The following CELF2 variants were observed in gnomAD, a reference collection of about 807,000 sequenced individuals.
CELF2 encodes the protein CUGBP Elav-like family member 2, also known as CUG triplet repeat RNA-binding protein 2.
In CELF2, 8 loss-of-function variants were observed where a neutral mutation model predicts 62.6. That is an observed-to-expected ratio of 0.13 (90% CI 0.07 to 0.23). The LOEUF (loss-of-function observed/expected upper bound fraction) is 0.23, where lower values mean the gene tolerates loss of function less well. Ranked by LOEUF, CELF2 falls within the 10% of genes least tolerant of loss-of-function variation. The pLI is 1.00. For synonymous variants in CELF2, 258 were observed against 250.0 expected (o/e 1.03, Z -0.30); for missense variants, 333 against 671.0 (o/e 0.50, Z 5.56).
At chr10:11,073,882 A>C (rs763982606) in intron 1 of CELF2, among the ~76,000 whole-genome samples, 6 of 152,338 alleles carry the variant, frequency 3.9e-5, no homozygotes, top group Non-Finnish European at 7.4e-5. Context: ...GATTTTGGTT[A>C]TACATTTTTA....
the CELF2 span, among the ~76,000 whole-genome samples, chr10:10,706,325 T>A: frequency 4.3e-4 from 66 of 152,246 alleles, 2 homozygotes; most frequent in African/African-American, 1.5e-3. Flanking sequence ...AAAACTTGGG[T>A]TTCTTGAGTG....
chr10:10,654,401 C>A, the CELF2 span, among the ~76,000 whole-genome samples: 71 of 95,926 alleles, frequency 7.4e-4, no homozygotes, highest in Middle Eastern at 5.8e-3. Flanking sequence ...CAAAGCCTGG[C>A]AGACACACAA....
the CELF2 span, among the ~76,000 whole-genome samples, chr10:10,510,619 G>A: frequency 6.6e-6 from 1 of 152,156 alleles, no homozygotes; most frequent in African/African-American, 2.4e-5. Context: ...TGGGGTGCTG[G>A]CAGTAAACAA....
intron 8 of CELF2, among the ~76,000 whole-genome samples, chr10:11,284,825 G>A (rs2090624845): frequency 6.6e-6 from 1 of 150,442 alleles, no homozygotes; most frequent in South Asian, 2.1e-4. Flanking sequence ...TGGATGGGTG[G>A]GAGAATAATG....
intron 1 of CELF2, among the ~76,000 whole-genome samples, chr10:11,077,670 C>T (rs752955157): frequency 2.0e-5 from 3 of 152,154 alleles, no homozygotes; most frequent in Non-Finnish European, 2.9e-5. Context: ...TAGCGTTTAT[C>T]GTCGTGTGAA....
At chr10:11,167,698 C>T (rs933012551) in intron 2 of CELF2, among the ~76,000 whole-genome samples, 2 of 152,114 alleles carry the variant, frequency 1.3e-5, no homozygotes, top group South Asian at 2.1e-4. Context: ...ACTAATTTGG[C>T]GAAAATAGTT....
Position 11,270,536 on chromosome 10 carries a change from G to A in CELF2, c.619-130G>A, listed in dbSNP as rs781381524. ...TTCAGAGAAGAAGGAATATCAAACC[G>A]TTTTAAACCATTTCAGCCCATTCCA... On this transcript the variant is annotated intron_variant, in intron 6 of 12. Transcript: ENST00000633077. The surrounding 1 kb of genome is among the most constrained non-coding windows in gnomAD (Gnocchi z 5.8). The A allele has an allele frequency of 8.4e-5, 63 of 752,106 alleles. No individual in the cohort carries two copies. The highest frequency in any genetic ancestry group is 9.3e-5 in the South Asian group (2 of 21,428). The allele number at this position is 752,106 out of a possible 1,614,324, so 46.6% of individuals were successfully genotyped here. A position where few individuals can be genotyped will look rare whatever the true frequency, so the allele number is the denominator to read the frequency against.
rs2095955192 is a variant in CELF2, at chr10:11,329,913, T to A, written c.*860T>A. 6.6e-6 allele frequency: 1 copy of A among 152,636 alleles called. No individual in the cohort carries two copies. Among genetic ancestry groups the A allele is most frequent in the Non-Finnish European group, 1.5e-5 (1 of 68,050 alleles). The allele number at this position is 152,636 out of a possible 1,614,324, so 9.5% of individuals were successfully genotyped here. A position where few individuals can be genotyped will look rare whatever the true frequency, so the allele number is the denominator to read the frequency against. On this transcript the variant is annotated 3_prime_UTR_variant, in exon 13 of 13. Coordinates refer to ENST00000633077, the MANE Select transcript of CELF2 (RefSeq NM_001326342.2). This position sits in a 1 kb window ranked among gnomAD's most constrained non-coding sequence, Gnocchi z 5.5. ...TTTTATTTGTAAAAAAGCATTTCTA[T>A]TTTTATACAAAATTTTTACTGCCTC... is the stretch of plus-strand genomic sequence containing the variant.
Position 10,959,341 on chromosome 10 carries a change from A to C in CELF2, c.89+39342A>C, listed in dbSNP as rs895501292. On this transcript the variant is annotated intron_variant, in intron 2 of 13. Coordinates refer to the CELF2 transcript ENST00000636488. The stretch of plus-strand genomic sequence containing the variant: ...GCCTTTTGTGGCACTTCACATGAGG[A>C]ATCTGTGCTTATCAGTTATCAAAGT... 2.6e-5 allele frequency among the ~76,000 whole-genome samples: 4 copies of C among 152,186 alleles called. No homozygotes were observed. The East Asian group carries it at 7.7e-4, about 29-fold the overall frequency.
rs2096037273 is a variant in CELF2, at chr10:11,332,116, A to G, written c.*3063A>G. 1 of 145,580 alleles carries G rather than the reference A, an allele frequency of 6.9e-6. No individual in the cohort carries two copies. Among genetic ancestry groups the G allele is most frequent in the South Asian group, 2.1e-4 (1 of 4,832 alleles). 9.0% of individuals were successfully genotyped at this position (145,580 alleles called of 1,614,324 possible). A position where few individuals can be genotyped will look rare whatever the true frequency, so the allele number is the denominator to read the frequency against. On this transcript the variant is annotated 3_prime_UTR_variant, in exon 13 of 13. Coordinates refer to ENST00000633077, the MANE Select transcript of CELF2 (RefSeq NM_001326342.2). ...AAAGAATTCCTAATGTGCTACTAGA[A>G]TTCCTTCTTCAGTTTTAACGAGTAA...
chr10:11,321,194 C>A lies in CELF2; in HGVS notation c.1102C>A (p.Gln368Lys). The A allele has an allele frequency of 6.2e-7, 1 of 1,614,088 alleles. No homozygotes were observed. Among genetic ancestry groups the A allele is most frequent in the South Asian group, 1.1e-5 (1 of 91,062 alleles). ...LNNINALAVA[Q>K]MLSGMAALNG... The stretch of plus-strand genomic sequence containing the variant: ...TTGTTGGGTTTTTTGTAAAGTTGCT[C>A]AAATGCTCTCAGGTATGGCGGCTCT... Residue 368 changes from glutamine to lysine, a missense_variant, in exon 11 of 13, where the codon CAA becomes AAA. By Grantham distance (53) the Gln-to-Lys change is moderately conservative. Coordinates refer to ENST00000633077, the MANE Select transcript of CELF2 (RefSeq NM_001326342.2). The surrounding 1 kb of genome is among the most constrained non-coding windows in gnomAD (Gnocchi z 6.2).
At chr10:10,589,018 C>G in the CELF2 span, among the ~76,000 whole-genome samples, 1 of 152,168 alleles carries the variant, frequency 6.6e-6, no homozygotes, top group East Asian at 1.9e-4. Flanking sequence ...GTGACACAGT[C>G]TCAGGGGGTA....
Position 11,258,911 on chromosome 10 carries a change from C to T in CELF2, c.538+1039C>T, listed in dbSNP as rs757807059. 2.0e-5 allele frequency among the ~76,000 whole-genome samples: 3 copies of T among 152,226 alleles called. No homozygotes were observed. In the East Asian group the frequency reaches 5.8e-4, roughly 29 times the overall value. On this transcript the variant is annotated intron_variant, in intron 5 of 12. Transcript: ENST00000633077. ...ACGTTGGCCACGATGGTCTCCATCT[C>T]CTGACCTCGTGATCCACCCGCCTCA...
chr10:10,472,530 TG>T, the CELF2 span, among the ~76,000 whole-genome samples: 1 of 151,924 alleles, frequency 6.6e-6, no homozygotes, highest in Non-Finnish European at 1.5e-5. Context: ...AGGTTTTGTC[TG>T]CTAAATCCAA....
At chr10:10,940,292 T>G (rs1370954165) in intron 2 of CELF2, among the ~76,000 whole-genome samples, 1 of 152,194 alleles carries the variant, frequency 6.6e-6, no homozygotes, top group Non-Finnish European at 1.5e-5. Context: ...TTATGTTTGA[T>G]TATTCAAGAT....
chr10:10,748,237 T>C, the CELF2 span, among the ~76,000 whole-genome samples: 1 of 152,178 alleles, frequency 6.6e-6, no homozygotes, highest in African/African-American at 2.4e-5. Flanking sequence ...ACTTGAAATG[T>C]TCCCAACACA....
intron 1 of CELF2, among the ~76,000 whole-genome samples, chr10:10,864,862 T>C (rs566965828): frequency 6.6e-5 from 10 of 152,292 alleles, no homozygotes; most frequent in African/African-American, 2.4e-4. Flanking sequence ...TTGTTGAAAT[T>C]TTAAAACCAC....
the CELF2 span, among the ~76,000 whole-genome samples, chr10:10,746,580 A>G: frequency 1.3e-5 from 2 of 152,240 alleles, no homozygotes; most frequent in South Asian, 4.1e-4. Flanking sequence ...ATGTTGTAAA[A>G]GAATTCTCAT....
intron 1 of CELF2, among the ~76,000 whole-genome samples, chr10:11,138,078 T>C (rs1486802903): frequency 6.6e-6 from 1 of 152,188 alleles, no homozygotes; most frequent in Admixed American, 6.5e-5. Context: ...TAATTAATTA[T>C]ATTTTTTAGA....
Sources: gnomAD v4.1 joint callset for allele counts (sites outside exome capture counted in the v4.1 genomes callset) on GRCh38, gnomAD v4.1.1 for gene constraint, Gnocchi (gnomAD v3.1) non-coding constraint, MANE v1.5 for transcripts, NCBI Gene and HGNC (gene_info 2026-07-23, HGNC 2026-07-21) for gene names.